The following SLC7A7 variants were observed in gnomAD, a reference collection of about 807,000 sequenced individuals.
SLC7A7 encodes solute carrier family 7 member 7, also known as Y+L amino acid transporter 1.
In SLC7A7, 39 loss-of-function variants were observed where a neutral mutation model predicts 47.9. The observed-to-expected ratio is 0.81, with a 90% CI of 0.63 to 1.06. SLC7A7 has a LOEUF of 1.06. Ranked by LOEUF, SLC7A7 falls within the 50% of genes least tolerant of loss-of-function variation. The pLI is 0.00. For synonymous variants in SLC7A7, 234 were observed against 242.8 expected (o/e 0.96, Z 0.34); for missense variants, 588 against 632.0 (o/e 0.93, Z 0.75).
rs539985457 is a variant in SLC7A7, at chr14:22,787,845, A to G, written c.500-7794T>C. ...TCCCAGCACTTTGGGAGGCCGAGGC[A>G]GGCAGATCACAAGGTCAGGAGATCG... On this transcript the variant is annotated intron_variant, in intron 2 of 9. Coordinates refer to ENST00000674313, the MANE Select transcript of SLC7A7 (RefSeq NM_003982.4). Among the ~76,000 whole-genome samples the G allele has an allele frequency of 1.9e-3, 295 of 152,090 alleles. 2 individuals carry two copies. The highest frequency in any genetic ancestry group is 3.5e-3 in the Non-Finnish European group (240 of 67,922).
intron 2 of SLC7A7, among the ~76,000 whole-genome samples, chr14:22,807,786 C>T (rs1164942371): frequency 6.6e-6 from 1 of 152,124 alleles, no homozygotes; most frequent in Non-Finnish European, 1.5e-5. Flanking sequence ...CAGGAGACAG[C>T]TATATTTATT....
At chr14:22,792,901 A>AGAG (rs1555323627) in intron 2 of SLC7A7, among the ~76,000 whole-genome samples, 2 of 101,558 alleles carry the variant, frequency 2.0e-5, no homozygotes, top group African/African-American at 3.1e-5. Context: ...GAGAGAAAGG[A>AGAG]AAAGAAAAGA....
intron 8 of SLC7A7, 78 bp from the exon 9 acceptor site, chr14:22,774,194 A>T: frequency 6.3e-7 from 1 of 1,586,338 alleles, no homozygotes; most frequent in South Asian, 1.1e-5. Flanking sequence ...TCCCATAAGG[A>T]TTAGCGCACT....
At chr14:22,798,447 A>G (rs988023492) in intron 2 of SLC7A7, among the ~76,000 whole-genome samples, 1 of 152,184 alleles carries the variant, frequency 6.6e-6, no homozygotes, top group Non-Finnish European at 1.5e-5. Flanking sequence ...TTCCAAAGGG[A>G]TAAGGGTATC....
chr14:22,787,201 C>T (rs959654581), intron 2 of SLC7A7, among the ~76,000 whole-genome samples: 8 of 150,992 alleles, frequency 5.3e-5, no homozygotes, highest in Admixed American at 2.0e-4. Flanking sequence ...TTTGGGAGAC[C>T]GAGGAGGGAG....
intron 2 of SLC7A7, among the ~76,000 whole-genome samples, chr14:22,806,165 AT>A (rs2039203229): frequency 7.3e-6 from 1 of 136,674 alleles, no homozygotes; most frequent in Non-Finnish European, 1.6e-5. Context: ...GTAAACTGAC[AT>A]TATCATTCAC....
intron 2 of SLC7A7, among the ~76,000 whole-genome samples, chr14:22,804,205 G>A (rs1045806373): frequency 2.0e-5 from 3 of 152,014 alleles, no homozygotes; most frequent in African/African-American, 4.8e-5. Flanking sequence ...ATTAACTCAC[G>A]ATGGATTCAA....
At position 22,785,781 on chromosome 14, in the gene SLC7A7, G is replaced by A. The variant is rs138402146; in HGVS notation, c.500-5730C>T. ...GCTCACGCTGTAATCCCAGCACTTT[G>A]GGAAGCTGAGGCAGGCGGATCATGA... On this transcript the variant is annotated intron_variant, in intron 2 of 9. Coordinates refer to ENST00000674313, the MANE Select transcript of SLC7A7 (RefSeq NM_003982.4). Among the ~76,000 whole-genome samples, 25 of 150,876 alleles carry A rather than the reference G, an allele frequency of 1.7e-4. No homozygotes were observed. The East Asian group carries it at 4.9e-3, about 29-fold the overall frequency.
intron 2 of SLC7A7, among the ~76,000 whole-genome samples, chr14:22,792,598 T>C (rs1174128325): frequency 6.6e-6 from 1 of 152,090 alleles, no homozygotes; most frequent in South Asian, 2.1e-4. Context: ...GGCTCACACC[T>C]GTAATCCCAG....
chr14:22,773,832 GA>G (rs775045875), intron 9 of SLC7A7, 100 bp downstream of exon 9: 1 of 1,563,548 alleles, frequency 6.4e-7, no homozygotes, highest in Non-Finnish European at 8.8e-7. Flanking sequence ...GGGTTCATAA[GA>G]AGGGGCTAAG....
intron 4 of SLC7A7, among the ~76,000 whole-genome samples, chr14:22,777,273 A>G (rs548385951): frequency 9.9e-5 from 15 of 152,130 alleles, no homozygotes; most frequent in Admixed American, 2.6e-4. Flanking sequence ...TCAGGATTCC[A>G]TCTCTAAGAT....
At chr14:22,789,962 GA>G (rs1464916521) in intron 2 of SLC7A7, among the ~76,000 whole-genome samples, 1 of 152,130 alleles carries the variant, frequency 6.6e-6, no homozygotes, top group African/African-American at 2.4e-5. Flanking sequence ...CTGACCTCCA[GA>G]ATTATGAGAT....
intron 2 of SLC7A7, among the ~76,000 whole-genome samples, chr14:22,807,508 G>A (rs770913533): frequency 2.7e-4 from 41 of 152,248 alleles, no homozygotes; most frequent in Non-Finnish European, 5.0e-4. Flanking sequence ...GGAGGCTGCA[G>A]TGAGCTATGA....
At chr14:22,800,213 C>T (rs1440013890) in intron 2 of SLC7A7, among the ~76,000 whole-genome samples, 1 of 152,216 alleles carries the variant, frequency 6.6e-6, no homozygotes, top group Non-Finnish European at 1.5e-5. Flanking sequence ...ACAAATGCCA[C>T]TCTTCTGCTT....
At chr14:22,815,608 TTC>T (rs1450831412), upstream of SLC7A7, 3 of 454,012 alleles carry the variant, frequency 6.6e-6, no homozygotes, top group Admixed American at 7.0e-5. Flanking sequence ...GCTCAGCACT[TTC>T]TGTGATAAGA....
At chr14:22,808,112 C>T (rs1211261842) in intron 2 of SLC7A7, among the ~76,000 whole-genome samples, 1 of 150,340 alleles carries the variant, frequency 6.7e-6, no homozygotes, top group Non-Finnish European at 1.5e-5. Flanking sequence ...GTGAGTGAGG[C>T]GAGATCACAC....
intron 2 of SLC7A7, among the ~76,000 whole-genome samples, chr14:22,787,653 G>A (rs2038841303): frequency 6.6e-6 from 1 of 152,040 alleles, no homozygotes; most frequent in South Asian, 2.1e-4. Flanking sequence ...CTACTCAGGA[G>A]GCTGAGACAT....
At chr14:22,787,329 G>A (rs1004455333) in intron 2 of SLC7A7, among the ~76,000 whole-genome samples, 15 of 151,950 alleles carry the variant, frequency 9.9e-5, no homozygotes, top group Non-Finnish European at 1.6e-4. Flanking sequence ...CCAGCTACTC[G>A]GGAGGCTGAG....
chr14:22,800,339 T>C (rs989767156), intron 2 of SLC7A7, among the ~76,000 whole-genome samples: 1 of 152,192 alleles, frequency 6.6e-6, no homozygotes, highest in Admixed American at 6.5e-5. Flanking sequence ...CCATCCCATA[T>C]TCCTTTCTTA....
Sources: gnomAD v4.1 joint callset for allele counts (sites outside exome capture counted in the v4.1 genomes callset) on GRCh38, gnomAD v4.1.1 for gene constraint, MANE v1.5 for transcripts, NCBI Gene and HGNC (gene_info 2026-07-23, HGNC 2026-07-21) for gene names.